The following CES3 variants were observed in gnomAD, a reference collection of about 807,000 sequenced individuals.
The protein encoded by CES3 is carboxylesterase 3 (brain).
CES3 carries 49 observed loss-of-function variants against 57.6 expected under a neutral mutation model. The observed-to-expected ratio is 0.85, with a 90% CI of 0.68 to 1.08. CES3 has a LOEUF of 1.08. CES3 is among the 50% of genes least tolerant of loss of function. The probability of loss-of-function intolerance (pLI) is 0.00; values close to 1 mark genes in which losing one functional copy is unlikely to be tolerated. For missense variants in CES3, 645 were observed against 742.0 expected, an observed-to-expected ratio of 0.87 and a Z score of 1.52; for synonymous variants, 266 against 281.6, an observed-to-expected ratio of 0.94 and a Z score of 0.55.
rs899007019 is a variant in CES3 at position 66,973,192 on chromosome 16, T to C, written c.*143T>C. The C allele has an allele frequency of 1.4e-5, 10 of 730,122 alleles. No homozygotes were observed. The African/African-American group carries it at 1.6e-4, about 12-fold the overall frequency. 45.2% of individuals were successfully genotyped at this position (730,122 alleles called of 1,614,324 possible). A position where few individuals can be genotyped will look rare whatever the true frequency, so the allele number is the denominator to read the frequency against. On this transcript the variant is annotated 3_prime_UTR_variant, in exon 13 of 13. Coordinates refer to ENST00000303334, the MANE Select transcript of CES3 (RefSeq NM_024922.6). ...GTCGGCCGCTCTGTGACTGGAGTTATGCTCTTTTGAAATGTCACAAGGCCG... is the reference window on the plus strand; with the variant it reads ...GTCGGCCGCTCTGTGACTGGAGTTACGCTCTTTTGAAATGTCACAAGGCCG...
chr16:66,972,005 T>C (rs1231751148), intron 10 of CES3, among the ~76,000 whole-genome samples: 1 of 152,024 alleles, frequency 6.6e-6, no homozygotes, highest in South Asian at 2.1e-4. Context: ...GGCATGGTGG[T>C]ACACACCTGT....
At chr16:66,967,252 C>T (rs1963747520) in intron 8 of CES3, among the ~76,000 whole-genome samples, 1 of 152,098 alleles carries the variant, frequency 6.6e-6, no homozygotes, top group Non-Finnish European at 1.5e-5. Context: ...CCAGCTTTCA[C>T]CACGTTGGCC....
intron 9 of CES3, among the ~76,000 whole-genome samples, chr16:66,970,662 T>C (rs1963816856): frequency 6.6e-6 from 1 of 152,220 alleles, no homozygotes; most frequent in Non-Finnish European, 1.5e-5. Context: ...CCCACTCGCC[T>C]GGGCTGTTGT....
chr16:66,971,076 T>C (rs8049104), intron 9 of CES3, 96 bp from the exon 10 acceptor site: 1 of 1,379,916 alleles, frequency 7.2e-7, no homozygotes, highest in Non-Finnish European at 9.8e-7. Flanking sequence ...AGCCCTGGGA[T>C]TTGAGGGAAG....
chr16:66,964,317 A>G (rs1218048558), intron 4 of CES3, 40 bp from the exon 5 acceptor site: 26 of 1,603,076 alleles, frequency 1.6e-5, no homozygotes, highest in Non-Finnish European at 2.2e-5. Flanking sequence ...GCTGGCGAGG[A>G]GCCAGGCTGA....
At position 66,971,332 on chromosome 16, in the gene CES3, C is replaced by T; in HGVS notation, c.1291+13C>T. 1 of 1,609,392 alleles carries T rather than the reference C, an allele frequency of 6.2e-7. No homozygotes were observed. Among genetic ancestry groups the T allele is most frequent in the Non-Finnish European group, 8.5e-7 (1 of 1,176,884 alleles). ...AGATACCTTCGAGGTAAGCCTGTCCCTGGCCACCTGCCCAACCCCTCCCAC... is the reference window on the plus strand; with the variant it reads ...AGATACCTTCGAGGTAAGCCTGTCCTTGGCCACCTGCCCAACCCCTCCCAC... On this transcript the variant is annotated intron_variant, in intron 10 of 12. Transcript: ENST00000303334.
In CES3 at chr16:66,964,744, C is replaced by T; in HGVS notation, c.819+17C>T. On this transcript the variant is annotated intron_variant, in intron 6 of 12. Transcript: ENST00000303334. ...CTAGCTCAGGTCTGTATTTCCTTCC[C>T]TCTCTTACTCTATGTGTGCCTCCCA... 1.2e-6 allele frequency: 2 copies of T among 1,602,342 alleles called. No homozygotes were observed. The highest frequency in any genetic ancestry group is 2.2e-5 in the East Asian group (1 of 44,764).
rs1963727494 is a variant in CES3 at position 66,966,238 on chromosome 16, C to T, written c.820-6C>T. The T allele has an allele frequency of 6.2e-7, 1 of 1,612,076 alleles. No homozygotes were observed. On this transcript the variant is annotated splice_region_variant and splice_polypyrimidine_tract_variant and intron_variant, in intron 6 of 12. Coordinates refer to ENST00000303334, the MANE Select transcript of CES3 (RefSeq NM_024922.6). ...AGGGAGGCATGACTCTTTCATTTGT[C>T]CCCAGAAAATCGCAAACACCTTGGC...
chr16:66,962,997 C>T, intron 1 of CES3, 182 bp from the exon 2 acceptor site: 1 of 728,372 alleles, frequency 1.4e-6, no homozygotes. Context: ...GTGGTAGTGA[C>T]TCTCAGGCAG....
chr16:66,971,455 CCTAT>C lies in CES3; in HGVS notation c.1291+139_1291+142del, dbSNP rs1201040947. 4.9e-6 allele frequency: 4 copies of C among 819,420 alleles called. No individual in the cohort carries two copies. The Admixed American group carries it at 1.1e-4, about 22-fold the overall frequency. The allele number at this position is 819,420 out of a possible 1,614,324, so 50.8% of individuals were successfully genotyped here. On this transcript the variant is annotated intron_variant, in intron 10 of 12. Transcript: ENST00000303334. ...CCACACCCCACTGCCCCCCACCAAA[CCTAT>C]CTTTCTCTGGGATGCAGTGTCATAG...
chr16:66,964,191 T>C (rs919650156), intron 4 of CES3, among the ~76,000 whole-genome samples, 166 bp from the exon 5 acceptor site: 8 of 152,184 alleles, frequency 5.3e-5, no homozygotes, highest in Non-Finnish European at 7.3e-5. Flanking sequence ...CAGCAGGATA[T>C]GGGACAAAGA....
chr16:66,965,881 G>A (rs959722535), intron 6 of CES3, among the ~76,000 whole-genome samples: 2 of 152,112 alleles, frequency 1.3e-5, no homozygotes, highest in Non-Finnish European at 2.9e-5. Context: ...CAGAGCTTGC[G>A]GTGAGCCAAG....
At chr16:66,962,261 A>T (rs1484216931) in intron 1 of CES3, among the ~76,000 whole-genome samples, 2 of 152,082 alleles carry the variant, frequency 1.3e-5, no homozygotes, top group African/African-American at 4.8e-5. Context: ...ATGGCTCTGG[A>T]CTGGTTTGCC....
Position 66,972,862 on chromosome 16 carries a change from A to G in CES3, c.1529A>G (p.Asn510Ser), listed in dbSNP as rs751993528. The change falls in exon 13 of 13, where the codon AAT becomes AGT. Residue 510 changes from asparagine to serine, a missense_variant. By Grantham distance (46) the Asn-to-Ser change is conservative. Transcript: ENST00000303334. The stretch of plus-strand genomic sequence containing the variant: ...TCATTCCTCCCACCCAGGGACCCCA[A>G]TAGCAAGGCTCTGCCTCCTTGGCCC... ...WTHFARTGDPNSKALPPWPQF... is the reference protein window; with the variant it reads ...WTHFARTGDPSSKALPPWPQF... 5 of 1,614,116 alleles carry G rather than the reference A, an allele frequency of 3.1e-6. No homozygotes were observed. The highest frequency in any genetic ancestry group is 2.2e-5 in the East Asian group (1 of 44,878).
At chr16:66,968,695 C>T (rs1441075725) in intron 8 of CES3, among the ~76,000 whole-genome samples, 2 of 151,992 alleles carry the variant, frequency 1.3e-5, no homozygotes, top group African/African-American at 4.8e-5. Context: ...GAGTGGGTCA[C>T]TTGAAGTCAG....
Position 66,966,240 on chromosome 16 carries a change from C to T in CES3, c.820-4C>T. 1 of 1,612,398 alleles carries T rather than the reference C, an allele frequency of 6.2e-7. No individual in the cohort carries two copies. Among genetic ancestry groups the T allele is most frequent in the Non-Finnish European group, 8.5e-7 (1 of 1,179,880 alleles). ...GGAGGCATGACTCTTTCATTTGTCCCCAGAAAATCGCAAACACCTTGGCCT... is the reference window on the plus strand; with the variant it reads ...GGAGGCATGACTCTTTCATTTGTCCTCAGAAAATCGCAAACACCTTGGCCT... On this transcript the variant is annotated splice_region_variant and splice_polypyrimidine_tract_variant and intron_variant, in intron 6 of 12. Coordinates refer to ENST00000303334, the MANE Select transcript of CES3 (RefSeq NM_024922.6).
In CES3 at chr16:66,972,450, C is replaced by T. The variant is rs71649612; in HGVS notation, c.1386C>T (p.Ala462=). 1.2e-5 allele frequency: 19 copies of T among 1,613,916 alleles called. No homozygotes were observed. In the African/African-American group the frequency reaches 1.2e-4, roughly 10 times the overall value. ...KPAWVKADHG[A]EGAFVFGGPF... ...CCTGGGTGAAGGCTGATCATGGGGC[C>T]GAGGGTGCTTTTGTGTTCGGAGGTC... is the stretch of plus-strand genomic sequence containing the variant. The change falls in exon 11 of 13, where the codon GCC becomes GCT. Residue 462 remains alanine, a synonymous_variant. Transcript: ENST00000303334.
In CES3 at chr16:66,963,335, C is replaced by A; in HGVS notation, c.239C>A (p.Pro80Gln). The change falls in exon 2 of 13, where the codon CCA (proline) becomes CAA (glutamine). Residue 80 changes from proline (P) to glutamine (Q), a missense_variant. Physicochemically the swap from Pro to Gln is moderately conservative, Grantham distance 76. Coordinates refer to ENST00000303334, the MANE Select transcript of CES3 (RefSeq NM_024922.6). The surrounding 1 kb of genome is among the most constrained non-coding windows in gnomAD (Gnocchi z 4.9). ...LGPDRFSAPH[P>Q]AQPWEGVRDA... is the part of the protein sequence containing the mutation. ...CCTGACCGGTTCTCAGCCCCACACC[C>A]AGCACAGCCCTGGGAGGGTGTGCGG... The A allele has an allele frequency of 6.2e-7, 1 of 1,613,614 alleles. No homozygotes were observed. Among genetic ancestry groups the A allele is most frequent in the Non-Finnish European group, 8.5e-7 (1 of 1,180,032 alleles).
Position 66,963,666 on chromosome 16 carries a change from C to A in CES3, c.426+37C>A, listed in dbSNP as rs751672122. 90 of 1,613,656 alleles carry A rather than the reference C, an allele frequency of 5.6e-5. No individual in the cohort carries two copies. Among genetic ancestry groups the A allele is most frequent in the Non-Finnish European group, 7.4e-5 (87 of 1,180,028 alleles). On this transcript the variant is annotated intron_variant, in intron 3 of 12. Transcript: ENST00000303334. This position sits in a 1 kb window ranked among gnomAD's most constrained non-coding sequence, Gnocchi z 4.9. ...AGAGGGCCCTGTCCACCTGATCCAGCTCCACTATGCCTACCTGTCCCCTCC... is the reference window on the plus strand; with the variant it reads ...AGAGGGCCCTGTCCACCTGATCCAGATCCACTATGCCTACCTGTCCCCTCC...
Sources: allele counts gnomAD v4.1 joint callset (sites outside exome capture counted in the v4.1 genomes callset), GRCh38; gene constraint gnomAD v4.1.1; non-coding constraint Gnocchi (gnomAD v3.1); transcripts MANE v1.5; gene names NCBI Gene and HGNC (gene_info 2026-07-23, HGNC 2026-07-21).